Variants in SLC44A5 observed in about 807,000 individuals in gnomAD.
The protein encoded by SLC44A5 is choline transporter-like protein 5.
Under a neutral mutation model 101.8 loss-of-function variants are expected in SLC44A5, and 57 were observed. The observed-to-expected ratio is 0.56, with a 90% CI of 0.45 to 0.70. The LOEUF (loss-of-function observed/expected upper bound fraction) is 0.70. Ranked by LOEUF, SLC44A5 falls within the 30% of genes least tolerant of loss-of-function variation. The pLI is 0.00. For synonymous variants in SLC44A5, 281 were observed against 290.9 expected, an observed-to-expected ratio of 0.97 and a Z score of 0.35; for missense variants, 737 against 853.1, an observed-to-expected ratio of 0.86 and a Z score of 1.70.
intron 6 of SLC44A5, 22 bp from the exon 7 acceptor site, chr1:75,251,316 TC>T (rs1159672126): frequency 6.4e-7 from 1 of 1,570,714 alleles, no homozygotes; most frequent in Non-Finnish European, 8.7e-7. Flanking sequence ...GAAAACATAA[TC>T]TTTTTAGTGA....
chr1:75,399,162 C>A (rs1662317882), intron 2 of SLC44A5, among the ~76,000 whole-genome samples: 3 of 151,862 alleles, frequency 2.0e-5, no homozygotes, highest in African/African-American at 7.3e-5. Flanking sequence ...ATTGTGTCAT[C>A]CTGAGACCTT....
chr1:75,723,219 G>T, the SLC44A5 span, among the ~76,000 whole-genome samples: 2 of 152,158 alleles, frequency 1.3e-5, no homozygotes, highest in East Asian at 3.9e-4. Context: ...TGCTCTCGTG[G>T]CAAGACTACT....
At chr1:75,441,007 AT>A (rs1436603723) in intron 2 of SLC44A5, among the ~76,000 whole-genome samples, 2 of 151,906 alleles carry the variant, frequency 1.3e-5, no homozygotes, top group African/African-American at 2.4e-5. Flanking sequence ...CAAATAAAAA[AT>A]GATAGAATTA....
At chr1:75,499,826 C>T (rs138060209) in intron 2 of SLC44A5, among the ~76,000 whole-genome samples, 27 of 152,212 alleles carry the variant, frequency 1.8e-4, no homozygotes, top group African/African-American at 4.8e-4. Flanking sequence ...AATAGCTGTC[C>T]GCCAACTCAT....
chr1:75,475,820 T>A (rs1452592225), intron 2 of SLC44A5, among the ~76,000 whole-genome samples: 1 of 152,230 alleles, frequency 6.6e-6, no homozygotes, highest in African/African-American at 2.4e-5. Flanking sequence ...TTACTAATTA[T>A]GTGATGGTGG....
chr1:75,435,957 A>G (rs1664864867), intron 2 of SLC44A5, among the ~76,000 whole-genome samples: 1 of 152,104 alleles, frequency 6.6e-6, no homozygotes, highest in Non-Finnish European at 1.5e-5. Flanking sequence ...CTTCAGGGAG[A>G]TTACATTAGA....
chr1:75,341,308 C>T (rs1282614779), intron 3 of SLC44A5, among the ~76,000 whole-genome samples: 2 of 152,132 alleles, frequency 1.3e-5, no homozygotes, highest in African/African-American at 4.8e-5. Context: ...CCAGAGCAGC[C>T]TGGGTAACCT....
intron 2 of SLC44A5, among the ~76,000 whole-genome samples, chr1:75,446,177 G>A (rs1027890210): frequency 1.3e-5 from 2 of 152,140 alleles, no homozygotes; most frequent in African/African-American, 4.8e-5. Flanking sequence ...AACGGATCAA[G>A]TCACATAGTC....
the SLC44A5 span, among the ~76,000 whole-genome samples, chr1:75,632,582 C>T: frequency 6.8e-6 from 1 of 147,448 alleles, no homozygotes; most frequent in Non-Finnish European, 1.5e-5. Context: ...TTTAAAATCT[C>T]ATTGCAGAAT....
chr1:75,485,157 G>GT, intron 2 of SLC44A5, among the ~76,000 whole-genome samples: 1 of 152,226 alleles, frequency 6.6e-6, no homozygotes, highest in Non-Finnish European at 1.5e-5. Context: ...CATAAAATGG[G>GT]TTTTTCTTTT....
chr1:75,292,683 A>AG lies in SLC44A5; in HGVS notation c.175+7928_175+7929insC, dbSNP rs1322066710. ...TTGTTGATGATCTTTGCAGAAGAAT[A>AG]CCTGCCTTTCATTTATCCCCCAAAC... On this transcript the variant is annotated intron_variant, in intron 5 of 23. Transcript: ENST00000370859. 6.6e-5 allele frequency among the ~76,000 whole-genome samples: 10 copies of AG among 152,190 alleles called. No homozygotes were observed. The East Asian group carries it at 7.7e-4, about 12-fold the overall frequency.
At chr1:75,410,094 A>G (rs974961599) in intron 2 of SLC44A5, among the ~76,000 whole-genome samples, 2 of 152,134 alleles carry the variant, frequency 1.3e-5, no homozygotes, top group African/African-American at 4.8e-5. Context: ...GGTGTCTTTA[A>G]TACTATAGTG....
At chr1:75,659,487 A>C in the SLC44A5 span, among the ~76,000 whole-genome samples, 2 of 70,716 alleles carry the variant, frequency 2.8e-5, no homozygotes, top group Non-Finnish European at 6.1e-5. Flanking sequence ...GAAGGAAGGA[A>C]GGAAGGCAGG....
chr1:75,296,072 T>C lies in SLC44A5; in HGVS notation c.175+4540A>G, dbSNP rs539178744. ...GAAAATTTAGCCTTATGCAATTATG[T>C]AAACTTCTTTCTTTCTCTACTTGGT... On this transcript the variant is annotated intron_variant, in intron 5 of 23. Transcript: ENST00000370859. 7.2e-5 allele frequency among the ~76,000 whole-genome samples: 11 copies of C among 152,330 alleles called. No homozygotes were observed. In the South Asian group the frequency reaches 2.3e-3, roughly 32 times the overall value.
At chr1:75,350,081 C>T (rs1020771282) in intron 3 of SLC44A5, among the ~76,000 whole-genome samples, 5 of 152,004 alleles carry the variant, frequency 3.3e-5, no homozygotes, top group African/African-American at 7.2e-5. Flanking sequence ...AGTCCTACCG[C>T]GCCCCCCCCA....
chr1:75,706,336 A>C, the SLC44A5 span, among the ~76,000 whole-genome samples: 1 of 152,136 alleles, frequency 6.6e-6, no homozygotes, highest in African/African-American at 2.4e-5. Context: ...AGTTCAAAAA[A>C]ATTTGATGAG....
At chr1:75,563,017 A>T (rs1672606408) in intron 1 of SLC44A5, among the ~76,000 whole-genome samples, 1 of 152,146 alleles carries the variant, frequency 6.6e-6, no homozygotes, top group Non-Finnish European at 1.5e-5. Flanking sequence ...AATGTTTCTT[A>T]CCTTTTCTCT....
chr1:75,574,304 A>T (rs2102047753), intron 1 of SLC44A5, among the ~76,000 whole-genome samples: 1 of 152,338 alleles, frequency 6.6e-6, no homozygotes, highest in Middle Eastern at 3.4e-3. Flanking sequence ...CATTGATATT[A>T]TTTAGTAAAT....
At chr1:75,624,973 C>G in the SLC44A5 span, among the ~76,000 whole-genome samples, 1 of 152,130 alleles carries the variant, frequency 6.6e-6, no homozygotes, top group Non-Finnish European at 1.5e-5. Flanking sequence ...TTTTATTCTA[C>G]TGTGTCACCT....
Sources: allele counts gnomAD v4.1 joint callset (sites outside exome capture counted in the v4.1 genomes callset), GRCh38; gene constraint gnomAD v4.1.1; transcripts MANE v1.5; gene names NCBI Gene and HGNC (gene_info 2026-07-23, HGNC 2026-07-21).